Variants in EBF4 observed in about 807,000 individuals in gnomAD.
EBF4 encodes EBF transcription factor 4, also known as transcription factor COE4.
Under a neutral mutation model 67.1 loss-of-function variants are expected in EBF4, and 34 were observed. The observed-to-expected ratio is 0.51, with a 90% confidence interval of 0.39 to 0.67. The LOEUF is 0.67. EBF4 is among the 30% of genes least tolerant of loss of function. The pLI, the probability that EBF4 is intolerant of heterozygous loss-of-function variation, is 0.00. For missense variants in EBF4, 837 were observed against 873.3 expected (o/e 0.96, Z 0.52); for synonymous variants, 387 against 377.7 (o/e 1.02, Z -0.29).
chr20:2,701,703 C>T (rs1275619956), intron 1 of EBF4, among the ~76,000 whole-genome samples: 4 of 152,244 alleles, frequency 2.6e-5, no homozygotes, highest in Non-Finnish European at 5.9e-5. Flanking sequence ...TTCCTTTTCT[C>T]TCTATAGCCT....
At position 2,707,640 on chromosome 20, in the gene EBF4, C is replaced by T. The variant is rs1436603342; in HGVS notation, c.415-307C>T. On this transcript the variant is annotated intron_variant, in intron 4 of 16. Coordinates refer to ENST00000609451, the Ensembl canonical transcript of EBF4. The surrounding 1 kb of genome is among the most constrained non-coding windows in gnomAD (Gnocchi z 4.6). Reference sequence around the variant, plus strand: ...ACAGGAGTATGTCTACCCCACCAGCCACCTGACCTTTGTCCTGGCACCCTG... The same window carrying T: ...ACAGGAGTATGTCTACCCCACCAGCTACCTGACCTTTGTCCTGGCACCCTG... Among the ~76,000 whole-genome samples the T allele has an allele frequency of 6.6e-6, 1 of 152,122 alleles. No individual in the cohort carries two copies. The highest frequency in any genetic ancestry group is 1.5e-5 in the Non-Finnish European group (1 of 68,010).
intron 6 of EBF4, among the ~76,000 whole-genome samples, chr20:2,744,557 C>A (rs573512047): frequency 1.6e-5 from 2 of 126,746 alleles, no homozygotes; most frequent in African/African-American, 6.3e-5. Flanking sequence ...AGTGGCTCAA[C>A]CTTGGCTCAC....
chr20:2,739,187 C>T lies in EBF4; in HGVS notation c.558-9362C>T, dbSNP rs1031617901. Among the ~76,000 whole-genome samples the T allele has an allele frequency of 1.3e-5, 2 of 152,200 alleles. No homozygotes were observed. The highest frequency in any genetic ancestry group is 2.1e-4 in the South Asian group (1 of 4,834). On this transcript the variant is annotated intron_variant, in intron 6 of 16. Transcript: ENST00000609451. This position sits in a 1 kb window ranked among gnomAD's most constrained non-coding sequence, Gnocchi z 4.5. Reference sequence around the variant, plus strand: ...GTGCCTGTTTCTGCCTGAAGGGAGACATCCCCTGTAGCCTTCCCATCACCC... The same window carrying T: ...GTGCCTGTTTCTGCCTGAAGGGAGATATCCCCTGTAGCCTTCCCATCACCC...
Position 2,697,523 on chromosome 20 carries a change from T to C in EBF4, c.137+3741T>C, listed in dbSNP as rs774440405. ...TCGCGCCACTGCACTCCAGCCTGGG[T>C]GACAGAGCGAGACTCTGTCTCAAAA... On this transcript the variant is annotated intron_variant, in intron 1 of 16. Coordinates refer to ENST00000609451, the Ensembl canonical transcript of EBF4. Among the ~76,000 whole-genome samples the C allele has an allele frequency of 1.5e-3, 218 of 146,456 alleles. 1 individual carries two copies. Among genetic ancestry groups the C allele is most frequent in the Non-Finnish European group, 2.1e-3 (141 of 67,098 alleles).
chr20:2,744,487 C>CTTTTTTTTTTTTTTTTTTTTT (rs778840182), intron 6 of EBF4, among the ~76,000 whole-genome samples: 15 of 111,464 alleles, frequency 1.3e-4, no homozygotes, highest in South Asian at 3.0e-4. Flanking sequence ...TTCTTTTTTT[C>CTTTTTTTTTTTTTTTTTTTTT]TTTTCTTTTT....
At chr20:2,704,526 A>G (rs1173285224) in intron 1 of EBF4, among the ~76,000 whole-genome samples, 1 of 152,164 alleles carries the variant, frequency 6.6e-6, no homozygotes, top group Non-Finnish European at 1.5e-5. Flanking sequence ...AGCAGCCTCT[A>G]CACATCCAGC....
intron 15 of EBF4, among the ~76,000 whole-genome samples, chr20:2,757,877 G>A (rs1317667001): frequency 6.6e-6 from 1 of 152,182 alleles, no homozygotes; most frequent in Non-Finnish European, 1.5e-5. Flanking sequence ...AGACTGGGAG[G>A]TCAAGGCTGC....
chr20:2,703,594 G>T (rs114467511), intron 1 of EBF4, among the ~76,000 whole-genome samples: 2 of 151,728 alleles, frequency 1.3e-5, no homozygotes, highest in African/African-American at 2.4e-5. Flanking sequence ...GAGTTAGTAG[G>T]TCGAAGCTGC....
intron 6 of EBF4, among the ~76,000 whole-genome samples, chr20:2,735,981 A>G (rs2146458344): frequency 6.6e-6 from 1 of 152,372 alleles, no homozygotes; most frequent in African/African-American, 2.4e-5. Flanking sequence ...ATTCTGTACC[A>G]ACCAATATGG....
intron 6 of EBF4, among the ~76,000 whole-genome samples, chr20:2,721,685 C>G (rs2087683190): frequency 6.6e-6 from 1 of 152,166 alleles, no homozygotes; most frequent in African/African-American, 2.4e-5. Flanking sequence ...GAAATCCTGA[C>G]CTCAGGTGAC....
rs1166279916 is a variant in EBF4 at position 2,719,052 on chromosome 20, T to TG, written c.557+9416dup. On this transcript the variant is annotated intron_variant, in intron 6 of 16. Coordinates refer to ENST00000609451, the Ensembl canonical transcript of EBF4. ...ACATGTTACTTAATTTCCAAAAACT[T>TG]GGGGGGATTCTCCTAGAATCTTTTT... 5.3e-5 allele frequency among the ~76,000 whole-genome samples: 8 copies of TG among 152,072 alleles called. No homozygotes were observed. The East Asian group carries it at 1.5e-3, about 29-fold the overall frequency.
Position 2,739,686 on chromosome 20 carries a change from C to A in EBF4, c.558-8863C>A, listed in dbSNP as rs934799272. Among the ~76,000 whole-genome samples the A allele has an allele frequency of 6.6e-6, 1 of 152,232 alleles. No homozygotes were observed. The highest frequency in any genetic ancestry group is 1.5e-5 in the Non-Finnish European group (1 of 68,048). ...TGAGCTGAGGGTAGAGAGAAGCAGA[C>A]AGTGAACACGCTGGAGAGCCAGAAA... On this transcript the variant is annotated intron_variant, in intron 6 of 16. Transcript: ENST00000609451. The surrounding 1 kb of genome is among the most constrained non-coding windows in gnomAD (Gnocchi z 4.5).
At chr20:2,727,316 C>T (rs1201971601) in intron 6 of EBF4, among the ~76,000 whole-genome samples, 2 of 152,110 alleles carry the variant, frequency 1.3e-5, no homozygotes, top group African/African-American at 4.8e-5. Flanking sequence ...AGATCTTACT[C>T]CTTTCCATTT....
Position 2,751,817 on chromosome 20 carries a change from C to T in EBF4, c.1107+29C>T. 3 of 1,547,884 alleles carry T rather than the reference C, an allele frequency of 1.9e-6. No individual in the cohort carries two copies. Among genetic ancestry groups the T allele is most frequent in the Non-Finnish European group, 2.6e-6 (3 of 1,145,762 alleles). ...CTCAGAGGGGCGGGGCGGGGCGGGGCTGAGGGTGTCCTGTGGGCAAGGGGG... is the reference window on the plus strand; with the variant it reads ...CTCAGAGGGGCGGGGCGGGGCGGGGTTGAGGGTGTCCTGTGGGCAAGGGGG... On this transcript the variant is annotated intron_variant, in intron 11 of 16. Transcript: ENST00000609451. The surrounding 1 kb of genome is among the most constrained non-coding windows in gnomAD (Gnocchi z 5.2).
At position 2,693,881 on chromosome 20, in the gene EBF4, C is replaced by T; in HGVS notation, c.137+99C>T. The stretch of plus-strand genomic sequence containing the variant: ...TGCTGGAGCCAGGGGCGGAAGGAGC[C>T]CTAACTCTGGACGGTCCCGGCGAGC... On this transcript the variant is annotated intron_variant, in intron 1 of 16. Coordinates refer to ENST00000609451, the Ensembl canonical transcript of EBF4. This position sits in a 1 kb window ranked among gnomAD's most constrained non-coding sequence, Gnocchi z 4.6. The T allele has an allele frequency of 8.0e-7, 1 of 1,242,926 alleles. No homozygotes were observed. The highest frequency in any genetic ancestry group is 3.2e-5 in the South Asian group (1 of 31,498). The allele number at this position is 1,242,926 out of a possible 1,614,324, so 77.0% of individuals were successfully genotyped here.
exon 13 of EBF4, chr20:2,752,176 C>T: frequency 7.0e-7 from 1 of 1,434,510 alleles, no homozygotes; most frequent in Non-Finnish European, 9.1e-7. Flanking sequence ...GGCCCCGAGC[C>T]ACCCACACCC....
Position 2,744,492 on chromosome 20 carries a change from C to CTTTTT in EBF4, c.558-4044_558-4040dup, listed in dbSNP as rs35298353. ...CTTTTCTTTTTTCTTTTTTTCTTTTCTTTTTTTTTTTTTTTTTGAGACAGG... is the reference window on the plus strand; with the variant it reads ...CTTTTCTTTTTTCTTTTTTTCTTTTCTTTTTTTTTTTTTTTTTTTTTTGAGACAGG... On this transcript the variant is annotated intron_variant, in intron 6 of 16. Coordinates refer to ENST00000609451, the Ensembl canonical transcript of EBF4. Among the ~76,000 whole-genome samples, 37 of 115,878 alleles carry CTTTTT rather than the reference C, an allele frequency of 3.2e-4. 1 individual carries two copies. Among genetic ancestry groups the CTTTTT allele is most frequent in the Non-Finnish European group, 4.7e-4 (28 of 58,984 alleles). The allele number at this position is 115,878 out of a possible 152,430, so 76.0% of individuals were successfully genotyped here. A position where few individuals can be genotyped will look rare whatever the true frequency, so the allele number is the denominator to read the frequency against.
intron 15 of EBF4, among the ~76,000 whole-genome samples, chr20:2,757,576 C>T (rs2088264780): frequency 6.6e-6 from 1 of 152,184 alleles, no homozygotes; most frequent in African/African-American, 2.4e-5. Flanking sequence ...GGGAGGAATG[C>T]CCTAGATAGA....
intron 13 of EBF4, 25 bp downstream of exon 13, chr20:2,752,288 G>C (rs60014511): frequency 4.4e-5 from 54 of 1,213,848 alleles, no homozygotes; most frequent in Non-Finnish European, 5.3e-5. Flanking sequence ...CCTCCCCGCC[G>C]TCCTCGGGCG....
Sources: allele counts gnomAD v4.1 joint callset (sites outside exome capture counted in the v4.1 genomes callset), GRCh38; gene constraint gnomAD v4.1.1; non-coding constraint Gnocchi (gnomAD v3.1); transcripts MANE v1.5; gene names NCBI Gene and HGNC (gene_info 2026-07-23, HGNC 2026-07-21).